DENND2A: variants seen among roughly 807,000 people sequenced by gnomAD.
The protein encoded by DENND2A is DENN domain containing 2A.
In DENND2A, 53 loss-of-function variants were observed where a neutral mutation model predicts 105.3. That is an observed-to-expected ratio of 0.50 (90% CI 0.40 to 0.63). The LOEUF (loss-of-function observed/expected upper bound fraction) is 0.63, where lower values mean the gene tolerates loss of function less well. Ranked by LOEUF, DENND2A falls within the 30% of genes least tolerant of loss-of-function variation. The pLI is 0.00. For missense variants in DENND2A, 1,138 were observed against 1,279.6 expected, an observed-to-expected ratio of 0.89 and a Z score of 1.69; for synonymous variants, 522 against 508.4, an observed-to-expected ratio of 1.03 and a Z score of -0.36.
At position 140,534,081 on chromosome 7, in the gene DENND2A, A is replaced by ATTTTTTTTTTTT. The variant is rs3042407; in HGVS notation, c.2328-6598_2328-6587dup. On this transcript the variant is annotated intron_variant, in intron 14 of 19. Transcript: ENST00000496613. ...GGCACGTGCCACCAATGCCTGGTTA[A>ATTTTTTTTTTTT]TTTTTTTTTTTTTTTTTTTTTGAGA... Among the ~76,000 whole-genome samples, 139 of 80,088 alleles carry ATTTTTTTTTTTT rather than the reference A, an allele frequency of 1.7e-3. 16 individuals carry two copies. The highest frequency in any genetic ancestry group is 3.7e-3 in the African/African-American group (73 of 19,538). The allele number at this position is 80,088 out of a possible 152,430, so 52.5% of individuals were successfully genotyped here. A position where few individuals can be genotyped will look rare whatever the true frequency, so the allele number is the denominator to read the frequency against.
intron 14 of DENND2A, among the ~76,000 whole-genome samples, chr7:140,533,976 C>T (rs1276083951): frequency 2.0e-5 from 3 of 151,954 alleles, no homozygotes; most frequent in African/African-American, 4.8e-5. Context: ...TGCAGTGGCA[C>T]GATCTTGGCT....
intron 3 of DENND2A, among the ~76,000 whole-genome samples, chr7:140,598,553 C>A (rs1214665578): frequency 6.6e-6 from 1 of 151,992 alleles, no homozygotes; most frequent in Non-Finnish European, 1.5e-5. Context: ...TTCATAGTTT[C>A]TATGAATCAA....
intron 6 of DENND2A, among the ~76,000 whole-genome samples, chr7:140,572,738 A>G (rs549614421): frequency 5.2e-5 from 7 of 134,716 alleles, no homozygotes; most frequent in Non-Finnish European, 1.1e-4. Context: ...TGGGCAACAG[A>G]GTGAAACTCT....
Position 140,525,763 on chromosome 7 carries a change from C to G in DENND2A, c.2535G>C (p.Arg845=). The G allele has an allele frequency of 6.2e-7, 1 of 1,606,432 alleles. No homozygotes were observed. Among genetic ancestry groups the G allele is most frequent in the South Asian group, 1.1e-5 (1 of 89,300 alleles). Residue 845 remains arginine, a synonymous_variant, in exon 16 of 20, where the codon CGG becomes CGC. Transcript: ENST00000496613. ...TGGCCTCACTCACCTGTCTGAGGAA[C>G]CGGCTGTTGACGAGGTCAACCACAA... ...EVLVVDLVNS[R]FLRQMDDEDS...
chr7:140,589,711 C>T (rs770776667), intron 3 of DENND2A, among the ~76,000 whole-genome samples: 1 of 152,152 alleles, frequency 6.6e-6, no homozygotes, highest in East Asian at 1.9e-4. Context: ...CTCACCGCAC[C>T]TCAAATTCCT....
At chr7:140,532,331 T>A (rs1386626863) in intron 14 of DENND2A, among the ~76,000 whole-genome samples, 1 of 152,108 alleles carries the variant, frequency 6.6e-6, no homozygotes, top group Non-Finnish European at 1.5e-5. Context: ...ATGAAACCAG[T>A]CTCTTTTTAT....
intron 14 of DENND2A, among the ~76,000 whole-genome samples, chr7:140,538,869 G>C (rs1796544499): frequency 6.6e-6 from 1 of 151,862 alleles, no homozygotes; most frequent in Non-Finnish European, 1.5e-5. Flanking sequence ...TGTTGCCCAG[G>C]TTGGAGTGCA....
At chr7:140,547,895 T>C (rs1195568313) in intron 12 of DENND2A, among the ~76,000 whole-genome samples, 1 of 152,212 alleles carries the variant, frequency 6.6e-6, no homozygotes, top group East Asian at 1.9e-4. Context: ...ATCTAATGTA[T>C]GATTCCACTT....
At chr7:140,540,346 A>G (rs73487630) in intron 14 of DENND2A, among the ~76,000 whole-genome samples, 5,002 of 152,356 alleles carry the variant, frequency 0.033, 253 homozygotes, top group African/African-American at 0.11. Flanking sequence ...CACAGCTGGC[A>G]TCTGACCCAC....
intron 5 of DENND2A, among the ~76,000 whole-genome samples, chr7:140,576,164 T>A (rs1798293954): frequency 3.9e-5 from 6 of 152,198 alleles, no homozygotes. Flanking sequence ...CTATTTTCAA[T>A]GAGCTCTACA....
At chr7:140,564,488 A>T (rs1422569103) in intron 9 of DENND2A, among the ~76,000 whole-genome samples, 1 of 152,206 alleles carries the variant, frequency 6.6e-6, no homozygotes, top group Non-Finnish European at 1.5e-5. Flanking sequence ...ACGCAGCACG[A>T]TACAAAAATT....
intron 5 of DENND2A, among the ~76,000 whole-genome samples, chr7:140,580,011 A>C (rs1798473672): frequency 6.6e-6 from 1 of 152,066 alleles, no homozygotes. Flanking sequence ...GTGGACGCCC[A>C]TAGTCCCAGC....
chr7:140,587,723 G>C lies in DENND2A; in HGVS notation c.1053C>G (p.Asp351Glu). ...GCCCCAGCTTAGTCTGCGCGTACCA[G>C]TCCACCCTGCTGCTCTCAGAGGAAG... The part of the protein sequence containing the change: ...LQSSSESSRV[D>E]WYAQTKLGLT... The change falls in exon 4 of 20, where the codon GAC becomes GAG. Residue 351 changes from aspartate (D) to glutamate (E), a missense_variant. Asp to Glu is a conservative substitution (Grantham distance 45). Around this residue, in one of 2 missense-constraint regions of DENND2A, gnomAD observed 511 missense variants for 499.9 expected, o/e 1.02. Transcript: ENST00000496613. 6.2e-7 allele frequency: 1 copy of C among 1,612,384 alleles called. No individual in the cohort carries two copies. The highest frequency in any genetic ancestry group is 8.5e-7 in the Non-Finnish European group (1 of 1,178,736).
chr7:140,598,138 G>A (rs910065322), intron 3 of DENND2A, among the ~76,000 whole-genome samples: 10 of 152,010 alleles, frequency 6.6e-5, no homozygotes, highest in Non-Finnish European at 1.2e-4. Context: ...AACCAGGCCC[G>A]AATGGGAATT....
chr7:140,563,047 A>G (rs1244808207), intron 9 of DENND2A, among the ~76,000 whole-genome samples: 1 of 152,250 alleles, frequency 6.6e-6, no homozygotes, highest in African/African-American at 2.4e-5. Flanking sequence ...GGGGTCATTA[A>G]TCACCACAGA....
At chr7:140,541,466 T>C (rs114694379) in intron 14 of DENND2A, among the ~76,000 whole-genome samples, 332 of 152,304 alleles carry the variant, frequency 2.2e-3, no homozygotes, top group African/African-American at 7.6e-3. Context: ...TTTCCACTTC[T>C]AGCCCAGGCC....
At chr7:140,625,243 G>A (rs951986935) in intron 1 of DENND2A, among the ~76,000 whole-genome samples, 3 of 150,920 alleles carry the variant, frequency 2.0e-5, no homozygotes, top group Admixed American at 1.3e-4. Flanking sequence ...TGGGCGTGGT[G>A]GTGCATGCCT....
At chr7:140,620,360 A>C in intron 1 of DENND2A, among the ~76,000 whole-genome samples, 1 of 88,288 alleles carries the variant, frequency 1.1e-5, no homozygotes, top group East Asian at 4.3e-4. Context: ...GGGGGGGGGG[A>C]GGAGGAATTT....
chr7:140,626,539 C>T (rs982957883), intron 1 of DENND2A, among the ~76,000 whole-genome samples: 15 of 152,304 alleles, frequency 9.8e-5, no homozygotes, highest in South Asian at 4.2e-4. Flanking sequence ...GGAATGCACC[C>T]GTAGGTCACG....
Sources: allele counts gnomAD v4.1 joint callset (sites outside exome capture counted in the v4.1 genomes callset), GRCh38; gene constraint gnomAD v4.1.1; regional missense constraint gnomAD v4.1.1; transcripts MANE v1.5; gene names NCBI Gene and HGNC (gene_info 2026-07-23, HGNC 2026-07-21).